The following LRP1B variants were observed in gnomAD, a reference collection of about 807,000 sequenced individuals.
LRP1B encodes LDL receptor related protein 1B, also known as low-density lipoprotein receptor-related protein 1B.
Under a neutral mutation model 556.6 loss-of-function variants are expected in LRP1B, and 217 were observed. The observed-to-expected ratio is 0.39, with a 90% CI of 0.35 to 0.44. The LOEUF is 0.44. LRP1B is among the 20% of genes least tolerant of loss of function. The pLI is 1.00. For synonymous variants in LRP1B, 2,047 were observed against 1,865.8 expected, an observed-to-expected ratio of 1.10 and a Z score of -2.50; for missense variants, 5,053 against 5,620.8, an observed-to-expected ratio of 0.90 and a Z score of 3.23.
chr2:141,097,652 T>C lies in LRP1B; in HGVS notation c.1014-35379A>G, dbSNP rs890070341. Among the ~76,000 whole-genome samples the C allele has an allele frequency of 3.3e-5, 5 of 152,188 alleles. 1 individual carries two copies. The highest frequency in any genetic ancestry group is 3.2e-3 in the Middle Eastern group (1 of 316). On this transcript the variant is annotated intron_variant, in intron 7 of 90. Transcript: ENST00000389484. The stretch of plus-strand genomic sequence containing the variant: ...GCCTTTTTAAAATAAAATTTTAACA[T>C]TGTTAAAAATTAGAGATTTTTCCTC...
intron 1 of LRP1B, among the ~76,000 whole-genome samples, chr2:141,962,781 G>T (rs1701438657): frequency 6.6e-6 from 1 of 151,776 alleles, no homozygotes; most frequent in East Asian, 1.9e-4. Flanking sequence ...AGCTTCATAT[G>T]CTACTTGGGC....
intron 41 of LRP1B, among the ~76,000 whole-genome samples, chr2:140,679,615 T>G (rs1279988063): frequency 1.3e-5 from 2 of 152,238 alleles, no homozygotes; most frequent in Non-Finnish European, 2.9e-5. Context: ...GTACTGTAAC[T>G]TGGTCAGAAT....
intron 2 of LRP1B, among the ~76,000 whole-genome samples, chr2:141,624,068 T>TAAAAAAAAAAAA (rs1553545100): frequency 2.1e-5 from 2 of 96,132 alleles, no homozygotes; most frequent in Admixed American, 1.0e-4. Flanking sequence ...AAAACAAGAT[T>TAAAAAAAAAAAA]AGTACATAAT....
chr2:141,257,978 T>C (rs559177013), intron 3 of LRP1B, among the ~76,000 whole-genome samples: 1 of 152,330 alleles, frequency 6.6e-6, no homozygotes, highest in African/African-American at 2.4e-5. Flanking sequence ...ACAAAAAATT[T>C]TGTACTTGAA....
At chr2:140,326,664 G>A (rs552397672) in intron 79 of LRP1B, among the ~76,000 whole-genome samples, 2 of 151,810 alleles carry the variant, frequency 1.3e-5, no homozygotes, top group African/African-American at 4.8e-5. Context: ...AGTGAGCTGA[G>A]ATCAGCCTAG....
chr2:140,929,353 G>T (rs1461601581), intron 20 of LRP1B, among the ~76,000 whole-genome samples: 2 of 152,080 alleles, frequency 1.3e-5, no homozygotes, highest in South Asian at 4.1e-4. Context: ...AAATTAATCA[G>T]AGTGTTCTGG....
chr2:141,184,059 C>T lies in LRP1B; in HGVS notation c.1013+4362G>A, dbSNP rs1681126859. Among the ~76,000 whole-genome samples the T allele has an allele frequency of 3.3e-5, 5 of 151,950 alleles. No individual in the cohort carries two copies. The South Asian group carries it at 1.0e-3, about 31-fold the overall frequency. On this transcript the variant is annotated intron_variant, in intron 7 of 90. Coordinates refer to ENST00000389484, the MANE Select transcript of LRP1B (RefSeq NM_018557.3). Reference sequence around the variant, plus strand: ...GAACAAAATTGTAGACTAGCTCCACCCCTGACCTCAGTTACAATCCTCATT... The same window carrying T: ...GAACAAAATTGTAGACTAGCTCCACTCCTGACCTCAGTTACAATCCTCATT...
intron 3 of LRP1B, among the ~76,000 whole-genome samples, chr2:141,364,754 G>C (rs1354889113): frequency 6.6e-6 from 1 of 152,192 alleles, no homozygotes; most frequent in African/African-American, 2.4e-5. Flanking sequence ...TTATAGCACA[G>C]AATGTGAAAA....
intron 20 of LRP1B, among the ~76,000 whole-genome samples, chr2:140,939,120 A>G (rs1172478269): frequency 6.6e-6 from 1 of 152,100 alleles, no homozygotes; most frequent in Non-Finnish European, 1.5e-5. Context: ...AAAAAGTACT[A>G]CAAGGGATGG....
chr2:140,592,629 AAAG>A (rs778670667), intron 43 of LRP1B, among the ~76,000 whole-genome samples: 4 of 152,150 alleles, frequency 2.6e-5, no homozygotes, highest in Non-Finnish European at 5.9e-5. Flanking sequence ...ATTATCAATA[AAAG>A]AAGACAGCGT....
intron 2 of LRP1B, among the ~76,000 whole-genome samples, chr2:141,708,589 A>T (rs1003723616): frequency 1.3e-5 from 2 of 152,274 alleles, no homozygotes; most frequent in African/African-American, 4.8e-5. Flanking sequence ...TGATATTTTA[A>T]ATATTCTATA....
At chr2:141,405,416 T>G (rs1409171143) in intron 3 of LRP1B, among the ~76,000 whole-genome samples, 3 of 152,174 alleles carry the variant, frequency 2.0e-5, no homozygotes, top group Non-Finnish European at 4.4e-5. Flanking sequence ...TACATTAATT[T>G]AGTCATAATC....
Position 140,659,342 on chromosome 2 carries a change from C to T in LRP1B, c.6799+40908G>A, listed in dbSNP as rs140965322. 3.3e-4 allele frequency among the ~76,000 whole-genome samples: 50 copies of T among 151,750 alleles called. 1 individual carries two copies. The highest frequency in any genetic ancestry group is 1.0e-3 in the African/African-American group (42 of 41,440). ...AATGATACTACCCTGTGTACATAAG[C>T]GTTGTAACTTTAATCTATTTTCAGC... On this transcript the variant is annotated intron_variant, in intron 41 of 90. Coordinates refer to ENST00000389484, the MANE Select transcript of LRP1B (RefSeq NM_018557.3).
At position 140,432,876 on chromosome 2, in the gene LRP1B, T is replaced by G. The variant is rs572532303; in HGVS notation, c.10414+9628A>C. On this transcript the variant is annotated intron_variant, in intron 66 of 90. Transcript: ENST00000389484. ...TAATATATTGGATTTCCTGACTCTT[T>G]TTTGTAGTTGGGATTCAGAAACTAA... Among the ~76,000 whole-genome samples the G allele has an allele frequency of 1.4e-4, 22 of 152,302 alleles. No individual in the cohort carries two copies. In the East Asian group the frequency reaches 4.2e-3, roughly 29 times the overall value.
intron 1 of LRP1B, among the ~76,000 whole-genome samples, chr2:142,055,067 G>A (rs554401107): frequency 6.6e-5 from 10 of 152,076 alleles, no homozygotes; most frequent in East Asian, 1.9e-4. Flanking sequence ...TGCTGCTTGC[G>A]TATGTCGGTA....
chr2:140,892,794 G>A (rs1483632010), intron 23 of LRP1B, among the ~76,000 whole-genome samples: 2 of 152,136 alleles, frequency 1.3e-5, no homozygotes, highest in African/African-American at 4.8e-5. Context: ...AAGCATAAAA[G>A]ATGTGTGCAT....
At chr2:140,416,247 T>G (rs1330741890) in intron 66 of LRP1B, among the ~76,000 whole-genome samples, 1 of 152,148 alleles carries the variant, frequency 6.6e-6, no homozygotes, top group Non-Finnish European at 1.5e-5. Flanking sequence ...CTTAGGATAA[T>G]CTAATGCCTG....
At chr2:140,615,736 G>T (rs188507620) in intron 41 of LRP1B, among the ~76,000 whole-genome samples, 116 of 133,162 alleles carry the variant, frequency 8.7e-4, no homozygotes, top group African/African-American at 3.1e-3. Context: ...TTGAACAAAT[G>T]CCCTCAGATA....
intron 77 of LRP1B, among the ~76,000 whole-genome samples, chr2:140,342,546 T>C (rs999929387): frequency 6.6e-6 from 1 of 151,610 alleles, no homozygotes; most frequent in African/African-American, 2.4e-5. Flanking sequence ...AATTTTTAAA[T>C]GAATGACTGT....
Sources: allele counts gnomAD v4.1 joint callset (sites outside exome capture counted in the v4.1 genomes callset), GRCh38; gene constraint gnomAD v4.1.1; transcripts MANE v1.5; gene names NCBI Gene and HGNC (gene_info 2026-07-23, HGNC 2026-07-21).